Variants in RPH3AL observed in about 807,000 individuals in gnomAD.
RPH3AL encodes the protein rabphilin 3A like (without C2 domains).
RPH3AL carries 38 observed loss-of-function variants against 43.1 expected under a neutral mutation model. The observed-to-expected ratio is 0.88, with a 90% confidence interval of 0.68 to 1.15. RPH3AL has a LOEUF of 1.15. Among genes scored for constraint, RPH3AL ranks in the 50% most tolerant of loss-of-function variants. The pLI is 0.00. For synonymous variants in RPH3AL, 189 were observed against 176.3 expected (o/e 1.07, Z -0.57); for missense variants, 462 against 423.2 (o/e 1.09, Z -0.81).
At chr17:269,119 C>T (rs906331902) in intron 6 of RPH3AL, among the ~76,000 whole-genome samples, 16 of 152,262 alleles carry the variant, frequency 1.1e-4, no homozygotes, top group Middle Eastern at 3.4e-3. Flanking sequence ...ACCTCATAAT[C>T]CGCCCGCCTT....
intron 7 of RPH3AL, among the ~76,000 whole-genome samples, chr17:244,485 G>A (rs1234220242): frequency 1.3e-5 from 2 of 152,142 alleles, no homozygotes; most frequent in Non-Finnish European, 2.9e-5. Flanking sequence ...AAGAGGCTTA[G>A]AGAGAGGCTG....
intron 5 of RPH3AL, among the ~76,000 whole-genome samples, chr17:285,866 C>T (rs563524550): frequency 6.6e-5 from 10 of 152,306 alleles, no homozygotes; most frequent in East Asian, 1.9e-4. Flanking sequence ...TCTATCTCCA[C>T]CCCCATCCCG....
intron 4 of RPH3AL, among the ~76,000 whole-genome samples, chr17:319,782 C>T (rs1217799142): frequency 6.8e-6 from 1 of 146,970 alleles, no homozygotes; most frequent in Admixed American, 6.9e-5. Context: ...CAGAGACAGA[C>T]ATGGTCCCTG....
At chr17:230,132 C>T (rs2041198432) in intron 7 of RPH3AL, among the ~76,000 whole-genome samples, 1 of 152,148 alleles carries the variant, frequency 6.6e-6, no homozygotes, top group Non-Finnish European at 1.5e-5. Flanking sequence ...CTGATGGGCA[C>T]AGACAGGGCT....
chr17:243,252 T>TC, intron 7 of RPH3AL, among the ~76,000 whole-genome samples: 1 of 79,208 alleles, frequency 1.3e-5, no homozygotes, highest in South Asian at 5.5e-4. Context: ...TGATTACCTT[T>TC]CTCTATTGAT....
At position 258,434 on chromosome 17, in the gene RPH3AL, C is replaced by T. The variant is rs73971677; in HGVS notation, c.439-11149G>A. ...ACTCAAGTTCCTGTAATTAATCAAA[C>T]GGACTTCCTATTTCAGATTAAAAGA... is the stretch of plus-strand genomic sequence containing the variant. On this transcript the variant is annotated intron_variant, in intron 6 of 9. Transcript: ENST00000331302. Among the ~76,000 whole-genome samples the T allele has an allele frequency of 6.6e-3, 1,007 of 152,300 alleles. 11 individuals carry two copies. The highest frequency in any genetic ancestry group is 0.023 in the African/African-American group (962 of 41,558).
At position 319,724 on chromosome 17, in the gene RPH3AL, T is replaced by C. The variant is rs573839077; in HGVS notation, c.222-175A>G. Among the ~76,000 whole-genome samples the C allele has an allele frequency of 4.7e-5, 7 of 150,310 alleles. No homozygotes were observed. The East Asian group carries it at 1.4e-3, about 30-fold the overall frequency. ...CTTCATTCACTCACCAACTATTCAG[T>C]GAGCACCTATGATTCATCAGACACT... is the stretch of plus-strand genomic sequence containing the variant. On this transcript the variant is annotated intron_variant, in intron 4 of 9. Coordinates refer to ENST00000331302, the MANE Select transcript of RPH3AL (RefSeq NM_006987.4).
At position 323,188 on chromosome 17, in the gene RPH3AL, C is replaced by T. The variant is rs1486679698; in HGVS notation, c.78-1773G>A. 4.6e-5 allele frequency among the ~76,000 whole-genome samples: 7 copies of T among 151,766 alleles called. No homozygotes were observed. Among genetic ancestry groups the T allele is most frequent in the Non-Finnish European group, 7.4e-5 (5 of 67,984 alleles). On this transcript the variant is annotated intron_variant, in intron 3 of 9. Transcript: ENST00000331302. The surrounding 1 kb of genome is among the most constrained non-coding windows in gnomAD (Gnocchi z 4.4). ...GGGTTCAGGCAGAGGAGATCACACA[C>T]GAAAGGCAGGGGGCATGGGTGGTGT...
At chr17:330,263 C>T (rs1010634338) in intron 2 of RPH3AL, among the ~76,000 whole-genome samples, 1 of 152,250 alleles carries the variant, frequency 6.6e-6, no homozygotes, top group Non-Finnish European at 1.5e-5. Context: ...ACCTGACCCT[C>T]CCCAGTGAGC....
At position 322,264 on chromosome 17, in the gene RPH3AL, A is replaced by G. The variant is rs538115730; in HGVS notation, c.78-849T>C. The G allele has an allele frequency of 9.5e-4, 144 of 152,364 alleles. 1 individual carries two copies. Among genetic ancestry groups the G allele is most frequent in the African/African-American group, 3.4e-3 (141 of 41,520 alleles). 9.4% of individuals were successfully genotyped at this position (152,364 alleles called of 1,614,324 possible). A position where few individuals can be genotyped will look rare whatever the true frequency, so the allele number is the denominator to read the frequency against. Reference sequence around the variant, plus strand: ...ACTCCTTCTATTTTTCTGGACAGGGAGAGAGTGGCAGCAGCAGATCAAACC... The same window carrying G: ...ACTCCTTCTATTTTTCTGGACAGGGGGAGAGTGGCAGCAGCAGATCAAACC... On this transcript the variant is annotated intron_variant, in intron 3 of 9. Transcript: ENST00000331302. The surrounding 1 kb of genome is among the most constrained non-coding windows in gnomAD (Gnocchi z 4.0).
chr17:230,375 C>T (rs755053556), intron 7 of RPH3AL, among the ~76,000 whole-genome samples: 16 of 152,144 alleles, frequency 1.1e-4, no homozygotes, highest in African/African-American at 3.4e-4. Flanking sequence ...AAGAAGAGAT[C>T]GGCTCCCTCC....
chr17:293,538 C>A (rs1239046303), intron 5 of RPH3AL, among the ~76,000 whole-genome samples: 3 of 152,134 alleles, frequency 2.0e-5, no homozygotes, highest in Non-Finnish European at 2.9e-5. Context: ...TCCTGGTTAA[C>A]CTCTGCATCC....
chr17:315,296 C>G (rs910638938), intron 5 of RPH3AL, among the ~76,000 whole-genome samples: 1 of 149,632 alleles, frequency 6.7e-6, no homozygotes, highest in Non-Finnish European at 1.5e-5. Flanking sequence ...GCCCCCACCT[C>G]CAGTGACCTG....
At position 314,662 on chromosome 17, in the gene RPH3AL, T is replaced by C. The variant is rs1426663629; in HGVS notation, c.351+4758A>G. ...TGTAGTCCCTGTGACTCCACCTCCATTGACCTGTAGTCTCTGTGACTCCAC... is the reference window on the plus strand; with the variant it reads ...TGTAGTCCCTGTGACTCCACCTCCACTGACCTGTAGTCTCTGTGACTCCAC... On this transcript the variant is annotated intron_variant, in intron 5 of 9. Transcript: ENST00000331302. Among the ~76,000 whole-genome samples, 1,228 of 138,654 alleles carry C rather than the reference T, an allele frequency of 8.9e-3. 6 individuals are homozygous for C. The highest frequency in any genetic ancestry group is 0.019 in the East Asian group (87 of 4,552). 91.0% of individuals were successfully genotyped at this position (138,654 alleles called of 152,430 possible).
intron 7 of RPH3AL, among the ~76,000 whole-genome samples, chr17:227,132 G>A (rs1389244755): frequency 6.6e-6 from 1 of 152,166 alleles, no homozygotes; most frequent in Non-Finnish European, 1.5e-5. Context: ...TGGGGACCTG[G>A]CATCCCTGAG....
intron 5 of RPH3AL, among the ~76,000 whole-genome samples, chr17:314,021 C>T (rs900408935): frequency 1.3e-5 from 2 of 152,208 alleles, no homozygotes; most frequent in Non-Finnish European, 2.9e-5. Flanking sequence ...CAGAAACGCC[C>T]GGACCAGCCC....
chr17:311,726 G>C (rs915397223), intron 5 of RPH3AL, among the ~76,000 whole-genome samples: 2 of 152,210 alleles, frequency 1.3e-5, no homozygotes, highest in African/African-American at 4.8e-5. Context: ...TTCCCTGCCG[G>C]CTCAGGACAT....
At chr17:314,536 C>G (rs879585255) in intron 5 of RPH3AL, among the ~76,000 whole-genome samples, 207 of 122,972 alleles carry the variant, frequency 1.7e-3, no homozygotes, top group African/African-American at 6.6e-3. Context: ...GTGACTCCAC[C>G]TCCATTGACC....
chr17:251,314 C>T (rs2041897260), intron 6 of RPH3AL, among the ~76,000 whole-genome samples: 1 of 152,210 alleles, frequency 6.6e-6, no homozygotes, highest in Admixed American at 6.5e-5. Context: ...AATGCAGGCA[C>T]ATGGTCTAAA....
Sources: gnomAD v4.1 joint callset for allele counts (sites outside exome capture counted in the v4.1 genomes callset) on GRCh38, gnomAD v4.1.1 for gene constraint, Gnocchi (gnomAD v3.1) non-coding constraint, MANE v1.5 for transcripts, NCBI Gene and HGNC (gene_info 2026-07-23, HGNC 2026-07-21) for gene names.